NAV3: variants seen among roughly 807,000 people sequenced by gnomAD.
The protein encoded by NAV3 is neuron navigator 3.
NAV3 carries 87 observed loss-of-function variants against 244.7 expected under a neutral mutation model. The ratio of observed to expected loss-of-function variants is 0.36; its 90% CI spans 0.30 to 0.42. The LOEUF (loss-of-function observed/expected upper bound fraction) is 0.42, where lower values mean the gene tolerates loss of function less well. Ranked by LOEUF, NAV3 falls within the 20% of genes least tolerant of loss-of-function variation. The pLI, the probability that NAV3 is intolerant of heterozygous loss-of-function variation, is 1.00. For synonymous variants in NAV3, 1,126 were observed against 1,042.2 expected (o/e 1.08, Z -1.55); for missense variants, 2,663 against 2,893.3 (o/e 0.92, Z 1.83).
chr12:77,601,362 A>T (rs1870420670), intron 2 of NAV3, among the ~76,000 whole-genome samples: 1 of 151,970 alleles, frequency 6.6e-6, no homozygotes, highest in Non-Finnish European at 1.5e-5. Flanking sequence ...AACCAAAAGA[A>T]AGTATATATG....
intron 2 of NAV3, among the ~76,000 whole-genome samples, chr12:77,800,665 GAC>G (rs978724070): frequency 3.3e-5 from 5 of 152,044 alleles, no homozygotes; most frequent in Non-Finnish European, 5.9e-5. Flanking sequence ...GCATCTTTAC[GAC>G]ACACTGGAAT....
intron 22 of NAV3, among the ~76,000 whole-genome samples, chr12:78,155,759 T>C (rs1357333265): frequency 6.6e-6 from 1 of 151,950 alleles, no homozygotes; most frequent in Non-Finnish European, 1.5e-5. Context: ...CTTTTTTTTA[T>C]ATGTTTGTTG....
At chr12:77,744,826 C>T (rs1868453700) in intron 2 of NAV3, among the ~76,000 whole-genome samples, 1 of 151,418 alleles carries the variant, frequency 6.6e-6, no homozygotes, top group African/African-American at 2.4e-5. Context: ...GAAGATGTGT[C>T]ATAAAACTAA....
chr12:77,945,932 T>A (rs904125085), intron 3 of NAV3, among the ~76,000 whole-genome samples: 1 of 151,430 alleles, frequency 6.6e-6, no homozygotes, highest in Non-Finnish European at 1.5e-5. Flanking sequence ...TTAATTTTTT[T>A]AATTTTTAGT....
At chr12:78,176,319 C>A in intron 25 of NAV3, 120 bp from the exon 26 acceptor site, 3 of 958,794 alleles carry the variant, frequency 3.1e-6, no homozygotes, top group Non-Finnish European at 4.5e-6. Context: ...GTGCTTTCTA[C>A]AAATAATGAA....
intron 9 of NAV3, among the ~76,000 whole-genome samples, chr12:78,027,858 T>C (rs1878336859): frequency 6.6e-6 from 1 of 152,200 alleles, no homozygotes; most frequent in African/African-American, 2.4e-5. Flanking sequence ...TTATTTTTCA[T>C]TGTGTGGCAT....
At chr12:77,768,327 A>G (rs1159815172) in intron 2 of NAV3, among the ~76,000 whole-genome samples, 1 of 152,012 alleles carries the variant, frequency 6.6e-6, no homozygotes, top group East Asian at 1.9e-4. Context: ...CAGGCACCTG[A>G]CCCTTTCTGC....
At chr12:77,723,112 C>T (rs1301609224) in intron 2 of NAV3, among the ~76,000 whole-genome samples, 1 of 151,862 alleles carries the variant, frequency 6.6e-6, no homozygotes, top group Non-Finnish European at 1.5e-5. Context: ...TTTATAGTGT[C>T]TCTATTCAGA....
intron 2 of NAV3, among the ~76,000 whole-genome samples, chr12:77,644,833 C>A (rs1051533524): frequency 6.6e-6 from 1 of 151,904 alleles, no homozygotes; most frequent in Non-Finnish European, 1.5e-5. Flanking sequence ...GCTAAACAAA[C>A]AAAGCAACAA....
At chr12:77,911,829 G>A (rs1272787309) in intron 1 of NAV3, among the ~76,000 whole-genome samples, 2 of 151,898 alleles carry the variant, frequency 1.3e-5, no homozygotes, top group East Asian at 3.9e-4. Flanking sequence ...GTTGAGCCAC[G>A]CTAATTAGAA....
chr12:78,096,990 A>G (rs2138136316), intron 12 of NAV3, among the ~76,000 whole-genome samples: 1 of 152,280 alleles, frequency 6.6e-6, no homozygotes, highest in South Asian at 2.1e-4. Context: ...CCAGATTAGC[A>G]ACAACAATCT....
At chr12:77,968,465 A>G in intron 4 of NAV3, 54 bp from the exon 5 acceptor site, 2 of 1,392,588 alleles carry the variant, frequency 1.4e-6, no homozygotes, top group Non-Finnish European at 2.0e-6. Context: ...AGAATTTGTT[A>G]AAAAGGACAT....
rs2136599719 is a variant in NAV3, at chr12:78,007,367, G to A, written c.1829G>A (p.Gly610Glu). Reference protein sequence around the residue: ...TVAQSSGQSTGNGAVQLPQQQ... With the variant: ...TVAQSSGQSTENGAVQLPQQQ... ...GCACAAAGCAGTGGGCAGAGCACAG[G>A]AAATGGTGCTGTCCAACTCCCTCAA... The change falls in exon 8 of 40, where the codon GGA (glycine) becomes GAA (glutamate). Residue 610 changes from glycine (G) to glutamate (E), a missense_variant. This residue lies in a region of NAV3 where 1,521 missense variants were observed against 1,497.0 expected (regional missense o/e 1.02). Transcript: ENST00000397909. 6.2e-7 allele frequency: 1 copy of A among 1,614,166 alleles called. No individual in the cohort carries two copies. Among genetic ancestry groups the A allele is most frequent in the Non-Finnish European group, 8.5e-7 (1 of 1,180,030 alleles).
chr12:77,992,968 G>A (rs1013431197), intron 5 of NAV3, among the ~76,000 whole-genome samples: 1 of 152,322 alleles, frequency 6.6e-6, no homozygotes, highest in Middle Eastern at 3.4e-3. Context: ...AAGCAGAACA[G>A]AAGCTGCCTT....
intron 1 of NAV3, among the ~76,000 whole-genome samples, chr12:77,887,346 T>A (rs1301218970): frequency 1.3e-5 from 2 of 152,152 alleles, no homozygotes; most frequent in Non-Finnish European, 2.9e-5. Context: ...ATCTTCTGCT[T>A]CAGTGGGAAC....
intron 11 of NAV3, among the ~76,000 whole-genome samples, chr12:78,057,847 C>T (rs1380653067): frequency 6.6e-6 from 1 of 152,174 alleles, no homozygotes; most frequent in Non-Finnish European, 1.5e-5. Flanking sequence ...TACACACTGA[C>T]CTTAGGAAAC....
At chr12:77,717,637 A>C (rs535384693) in intron 2 of NAV3, among the ~76,000 whole-genome samples, 2 of 152,172 alleles carry the variant, frequency 1.3e-5, no homozygotes, top group Admixed American at 1.3e-4. Flanking sequence ...GCTGCATCAT[A>C]TGGTATTTTT....
At chr12:77,676,559 C>CTTTT (rs35737201) in intron 2 of NAV3, among the ~76,000 whole-genome samples, 4 of 145,088 alleles carry the variant, frequency 2.8e-5, no homozygotes, top group South Asian at 2.2e-4. Context: ...CCTTTAAAGC[C>CTTTT]TTTTTTTTTT....
intron 15 of NAV3, 78 bp downstream of exon 15, chr12:78,120,023 T>C: frequency 1.9e-6 from 2 of 1,057,264 alleles, no homozygotes; most frequent in Non-Finnish European, 2.7e-6. Context: ...TATAAATGTG[T>C]GTATATATAT....
Sources: allele counts gnomAD v4.1 joint callset (sites outside exome capture counted in the v4.1 genomes callset), GRCh38; gene constraint gnomAD v4.1.1; regional missense constraint gnomAD v4.1.1; transcripts MANE v1.5; gene names NCBI Gene and HGNC (gene_info 2026-07-23, HGNC 2026-07-21).